The following SLC4A4 variants were observed in gnomAD, a reference collection of about 807,000 sequenced individuals.
The protein encoded by SLC4A4 is solute carrier family 4 member 4, also known as electrogenic sodium bicarbonate cotransporter 1.
Under a neutral mutation model 111.5 loss-of-function variants are expected in SLC4A4, and 27 were observed. That is an observed-to-expected ratio of 0.24 (90% CI 0.18 to 0.33). The LOEUF (loss-of-function observed/expected upper bound fraction) is 0.33, where lower values mean the gene tolerates loss of function less well. Ranked by LOEUF, SLC4A4 falls within the 10% of genes least tolerant of loss-of-function variation. SLC4A4 has a pLI of 1.00. For synonymous variants in SLC4A4, 443 were observed against 463.4 expected (o/e 0.96, Z 0.57); for missense variants, 909 against 1,315.5 (o/e 0.69, Z 4.78).
At chr4:71,317,015 A>G (rs1405925060) in intron 3 of SLC4A4, among the ~76,000 whole-genome samples, 2 of 151,690 alleles carry the variant, frequency 1.3e-5, no homozygotes, top group Non-Finnish European at 2.9e-5. Flanking sequence ...CCAGTATGTC[A>G]GGCTCACATG....
In SLC4A4 at chr4:71,450,514, T is replaced by A; in HGVS notation, c.1179T>A (p.Pro393=). The stretch of plus-strand genomic sequence containing the variant: ...GGGATCCAGCAATTAGGATAGAGCC[T>A]CCTAAGAGTCTTCCATCCTCTGACA... ...GEWDPAIRIE[P]PKSLPSSDKR... is the part of the protein sequence containing the mutation. Residue 393 remains proline (P), a synonymous_variant, in exon 10 of 26, where the codon CCT becomes CCA. Coordinates refer to ENST00000264485, the MANE Select transcript of SLC4A4 (RefSeq NM_001098484.3). 6.2e-7 allele frequency: 1 copy of A among 1,613,714 alleles called. No homozygotes were observed. The highest frequency in any genetic ancestry group is 1.1e-5 in the South Asian group (1 of 91,060).
At chr4:71,240,445 T>G (rs1282297489) in intron 2 of SLC4A4, among the ~76,000 whole-genome samples, 2 of 152,208 alleles carry the variant, frequency 1.3e-5, no homozygotes, top group Non-Finnish European at 2.9e-5. Context: ...GGTTGAAATG[T>G]GTCTCCATTT....
chr4:71,302,546 T>C (rs1725356537), intron 3 of SLC4A4, among the ~76,000 whole-genome samples: 1 of 152,226 alleles, frequency 6.6e-6, no homozygotes, highest in Non-Finnish European at 1.5e-5. Flanking sequence ...GGAAATGAGC[T>C]GTGAATCTTG....
intron 3 of SLC4A4, among the ~76,000 whole-genome samples, chr4:71,279,450 A>C (rs940402114): frequency 1.3e-5 from 2 of 152,180 alleles, no homozygotes; most frequent in African/African-American, 4.8e-5. Flanking sequence ...ATAATATTCC[A>C]TTGGATATTA....
At chr4:71,130,829 A>T (rs1743681331) in intron 2 of SLC4A4, among the ~76,000 whole-genome samples, 1 of 152,192 alleles carries the variant, frequency 6.6e-6, no homozygotes, top group African/African-American at 2.4e-5. Flanking sequence ...TGTGGAATCA[A>T]TACCTTTTTA....
intron 2 of SLC4A4, among the ~76,000 whole-genome samples, chr4:71,165,960 T>C (rs1355816363): frequency 1.3e-5 from 2 of 152,104 alleles, no homozygotes; most frequent in African/African-American, 4.8e-5. Context: ...CAAGTACCAA[T>C]ATTGGTATTA....
intron 3 of SLC4A4, among the ~76,000 whole-genome samples, chr4:71,256,341 A>G (rs1721451664): frequency 6.6e-6 from 1 of 152,188 alleles, no homozygotes; most frequent in South Asian, 2.1e-4. Context: ...ATTAGAATGA[A>G]CAGCTCAAGG....
intron 2 of SLC4A4, among the ~76,000 whole-genome samples, chr4:71,173,789 A>G (rs1422244350): frequency 2.0e-5 from 3 of 152,236 alleles, no homozygotes; most frequent in Non-Finnish European, 4.4e-5. Context: ...ACAGTTGACC[A>G]TGTATGAAAA....
intron 8 of SLC4A4, among the ~76,000 whole-genome samples, chr4:71,446,095 A>G (rs987148475): frequency 6.6e-6 from 1 of 152,168 alleles, no homozygotes; most frequent in African/African-American, 2.4e-5. Flanking sequence ...TTATTCTGGT[A>G]TAAAACCTGA....
At chr4:71,457,156 G>T (rs1292273150) in intron 12 of SLC4A4, among the ~76,000 whole-genome samples, 1 of 152,086 alleles carries the variant, frequency 6.6e-6, no homozygotes, top group Admixed American at 6.6e-5. Flanking sequence ...AGAAGGTCTT[G>T]CCTGTTTGAA....
At chr4:71,566,947 G>C in intron 24 of SLC4A4, 57 bp from the exon 25 acceptor site, 1 of 1,431,040 alleles carries the variant, frequency 7.0e-7, no homozygotes, top group Non-Finnish European at 9.8e-7. Context: ...GAAGATTTTT[G>C]TTTTATACTT....
rs59792240 is a variant in SLC4A4, at chr4:71,504,663, T to TG, written c.2166+6982dup. Among the ~76,000 whole-genome samples, 753 of 136,774 alleles carry TG rather than the reference T, an allele frequency of 5.5e-3. 1 individual carries two copies. Among genetic ancestry groups the TG allele is most frequent in the South Asian group, 8.1e-3 (34 of 4,210 alleles). 89.7% of individuals were successfully genotyped at this position (136,774 alleles called of 152,430 possible). On this transcript the variant is annotated intron_variant, in intron 16 of 25. Transcript: ENST00000264485. ...CCTACTGAAGACTTATTGTGTTTCATGGGGGGGGGGGTGTTATTATTATTT... is the reference window on the plus strand; with the variant it reads ...CCTACTGAAGACTTATTGTGTTTCATGGGGGGGGGGGGTGTTATTATTATTT...
At chr4:71,563,934 C>A in intron 24 of SLC4A4, 45 bp downstream of exon 24, 1 of 1,268,382 alleles carries the variant, frequency 7.9e-7, no homozygotes, top group Non-Finnish European at 1.2e-6. Context: ...ATATGATTTG[C>A]ACTTACAGAG....
intron 2 of SLC4A4, among the ~76,000 whole-genome samples, chr4:71,157,653 T>C (rs1239950319): frequency 6.6e-6 from 1 of 152,182 alleles, no homozygotes; most frequent in Non-Finnish European, 1.5e-5. Context: ...ACTTAGTACA[T>C]AATTTTCAGC....
intron 4 of SLC4A4, among the ~76,000 whole-genome samples, chr4:71,344,970 A>T (rs1430923329): frequency 6.6e-6 from 1 of 152,154 alleles, no homozygotes; most frequent in African/African-American, 2.4e-5. Context: ...CACAGTAGTT[A>T]TACTATGAAC....
chr4:71,339,598 A>T, intron 4 of SLC4A4, 93 bp downstream of exon 4: 1 of 1,213,174 alleles, frequency 8.2e-7, no homozygotes, highest in Non-Finnish European at 1.2e-6. Flanking sequence ...TAGCCTTAGC[A>T]CTTTGAATGG....
At chr4:71,537,790 C>G (rs1436507157) in intron 18 of SLC4A4, among the ~76,000 whole-genome samples, 1 of 151,930 alleles carries the variant, frequency 6.6e-6, no homozygotes, top group African/African-American at 2.4e-5. Context: ...TCTATGCCCT[C>G]TCCCACAGAG....
intron 13 of SLC4A4, among the ~76,000 whole-genome samples, chr4:71,467,570 G>T (rs1228542973): frequency 6.6e-6 from 1 of 152,056 alleles, no homozygotes; most frequent in East Asian, 1.9e-4. Flanking sequence ...CATCGGTGGG[G>T]CTGGGATATG....
chr4:71,244,553 A>G (rs1720489737), intron 2 of SLC4A4, among the ~76,000 whole-genome samples: 1 of 152,146 alleles, frequency 6.6e-6, no homozygotes, highest in Admixed American at 6.6e-5. Context: ...GCAATTTGAA[A>G]TCCCCCAGGA....
Sources: gnomAD v4.1 joint callset for allele counts (sites outside exome capture counted in the v4.1 genomes callset) on GRCh38, gnomAD v4.1.1 for gene constraint, MANE v1.5 for transcripts, NCBI Gene and HGNC (gene_info 2026-07-23, HGNC 2026-07-21) for gene names.